UVRAG: variants seen among roughly 807,000 people sequenced by gnomAD.
The protein encoded by UVRAG is UV radiation resistance associated, also known as UV radiation resistance-associated gene protein.
Under a neutral mutation model 78.0 loss-of-function variants are expected in UVRAG, and 19 were observed. The ratio of observed to expected loss-of-function variants is 0.24; its 90% CI spans 0.17 to 0.36. The LOEUF is 0.36. Ranked by LOEUF, UVRAG falls within the 10% of genes least tolerant of loss-of-function variation. UVRAG has a pLI of 1.00. For synonymous variants in UVRAG, 323 were observed against 324.6 expected, an observed-to-expected ratio of 1.00 and a Z score of 0.05; for missense variants, 740 against 853.8, an observed-to-expected ratio of 0.87 and a Z score of 1.66.
chr11:75,965,269 A>C (rs573632439), intron 7 of UVRAG, among the ~76,000 whole-genome samples: 1 of 152,212 alleles, frequency 6.6e-6, no homozygotes, highest in East Asian at 1.9e-4. Flanking sequence ...TCTCTTTATA[A>C]TGTTGTAGCT....
chr11:76,115,864 AT>A, intron 13 of UVRAG, 59 bp from the exon 14 acceptor site: 1 of 1,504,300 alleles, frequency 6.6e-7, no homozygotes, highest in Non-Finnish European at 9.2e-7. Flanking sequence ...TTAGTGGTTC[AT>A]TTTTCCGAAG....
At chr11:75,887,592 C>T (rs1482797263) in intron 4 of UVRAG, among the ~76,000 whole-genome samples, 1 of 151,980 alleles carries the variant, frequency 6.6e-6, no homozygotes, top group Non-Finnish European at 1.5e-5. Flanking sequence ...GGACTGCAGG[C>T]GCCCGCTACC....
At chr11:75,839,825 GTA>G (rs35667790) in intron 1 of UVRAG, among the ~76,000 whole-genome samples, 4 of 149,034 alleles carry the variant, frequency 2.7e-5, no homozygotes, top group Non-Finnish European at 3.0e-5. Context: ...GTGTGTGTGT[GTA>G]TATATATATA....
intron 13 of UVRAG, among the ~76,000 whole-genome samples, chr11:76,075,116 G>C (rs1951380391): frequency 6.6e-6 from 1 of 152,032 alleles, no homozygotes; most frequent in Non-Finnish European, 1.5e-5. Context: ...CACATGAGAA[G>C]AAAATATGCT....
At chr11:75,874,626 T>C (rs1301706273) in intron 3 of UVRAG, among the ~76,000 whole-genome samples, 4 of 151,506 alleles carry the variant, frequency 2.6e-5, no homozygotes, top group African/African-American at 4.9e-5. Context: ...TAAATATTTG[T>C]ATGTGCTAGA....
intron 8 of UVRAG, among the ~76,000 whole-genome samples, chr11:75,999,582 T>C (rs1033250731): frequency 1.4e-4 from 22 of 152,140 alleles, no homozygotes; most frequent in African/African-American, 5.1e-4. Context: ...GGTTTCACTA[T>C]GTTGGTCAGG....
At chr11:75,820,657 A>G (rs115573476) in intron 1 of UVRAG, among the ~76,000 whole-genome samples, 2 of 152,152 alleles carry the variant, frequency 1.3e-5, no homozygotes, top group African/African-American at 4.8e-5. Context: ...ACCCGGCCTC[A>G]CTTATTCTTA....
intron 1 of UVRAG, among the ~76,000 whole-genome samples, chr11:75,826,107 G>A (rs1429907421): frequency 6.6e-6 from 1 of 151,866 alleles, no homozygotes; most frequent in African/African-American, 2.4e-5. Context: ...AAAGTGCTGG[G>A]ATTACAGGCG....
intron 1 of UVRAG, among the ~76,000 whole-genome samples, chr11:75,831,159 A>C (rs1211725197): frequency 9.2e-5 from 14 of 152,218 alleles, no homozygotes; most frequent in Admixed American, 8.5e-4. Flanking sequence ...CACTGAAGAT[A>C]CAGGATAAGC....
intron 12 of UVRAG, among the ~76,000 whole-genome samples, chr11:76,057,584 C>T (rs1456663709): frequency 6.6e-6 from 1 of 152,150 alleles, no homozygotes; most frequent in African/African-American, 2.4e-5. Context: ...TATTTTCAGT[C>T]CCCAGTGTAA....
chr11:76,000,557 G>A lies in UVRAG; in HGVS notation c.827-3448G>A, dbSNP rs113689279. Reference sequence around the variant, plus strand: ...GAGGAGTTGGAGGCTGCAGTAAGCTGAGATTACACCATTGCACACTGCAGC... The same window carrying A: ...GAGGAGTTGGAGGCTGCAGTAAGCTAAGATTACACCATTGCACACTGCAGC... On this transcript the variant is annotated intron_variant, in intron 8 of 14. Transcript: ENST00000356136. Among the ~76,000 whole-genome samples, 263 of 152,080 alleles carry A rather than the reference G, an allele frequency of 1.7e-3. 1 individual carries two copies. The highest frequency in any genetic ancestry group is 6.1e-3 in the African/African-American group (252 of 41,480).
At chr11:75,980,478 T>C (rs1949366803) in intron 7 of UVRAG, among the ~76,000 whole-genome samples, 1 of 152,180 alleles carries the variant, frequency 6.6e-6, no homozygotes, top group Non-Finnish European at 1.5e-5. Context: ...TGCTTTATTA[T>C]CTCTTTTTCC....
At chr11:76,092,959 A>G (rs1565157729) in intron 13 of UVRAG, among the ~76,000 whole-genome samples, 2 of 152,100 alleles carry the variant, frequency 1.3e-5, no homozygotes, top group African/African-American at 2.4e-5. Flanking sequence ...TAGGATTTTT[A>G]TGGTTTTAGG....
chr11:75,888,980 C>T lies in UVRAG; in HGVS notation c.507+77C>T, dbSNP rs1947155251. On this transcript the variant is annotated intron_variant, in intron 5 of 14. Transcript: ENST00000356136. ...GCAGGTGTACAGGGTAGATATAATC[C>T]TGAAAACTCTGTGTAAATAGAATCA... 1.0e-5 allele frequency: 12 copies of T among 1,171,312 alleles called. No individual in the cohort carries two copies. The South Asian group carries it at 1.9e-4, about 19-fold the overall frequency. The allele number at this position is 1,171,312 out of a possible 1,614,324, so 72.6% of individuals were successfully genotyped here.
At chr11:76,055,594 T>C (rs986940399) in intron 12 of UVRAG, among the ~76,000 whole-genome samples, 3 of 152,238 alleles carry the variant, frequency 2.0e-5, no homozygotes, top group Non-Finnish European at 1.5e-5. Context: ...TTAAAGTAAG[T>C]TTCAGATATC....
At position 76,143,436 on chromosome 11, in the gene UVRAG, CCA is replaced by C. The variant is rs1280549834; in HGVS notation, c.*2025_*2026del. Among the ~76,000 whole-genome samples, 1 of 152,208 alleles carries C rather than the reference CCA, an allele frequency of 6.6e-6. No individual in the cohort carries two copies. The highest frequency in any genetic ancestry group is 1.5e-5 in the Non-Finnish European group (1 of 68,028). ...TCTGGGGTCTACCCGTCAGTGCCCCCCACCGCTGTGCAGACTCCCTGGTTGAT... is the reference window on the plus strand; with the variant it reads ...TCTGGGGTCTACCCGTCAGTGCCCCCCCGCTGTGCAGACTCCCTGGTTGAT... On this transcript the variant is annotated 3_prime_UTR_variant, in exon 15 of 15. Coordinates refer to ENST00000356136, the MANE Select transcript of UVRAG (RefSeq NM_003369.4).
intron 6 of UVRAG, among the ~76,000 whole-genome samples, chr11:75,938,629 G>A (rs1021314726): frequency 6.6e-6 from 1 of 152,124 alleles, no homozygotes; most frequent in African/African-American, 2.4e-5. Context: ...TGCGTGGCCC[G>A]TCAGTTATGG....
At position 76,141,598 on chromosome 11, in the gene UVRAG, T is replaced by A. The variant is rs1042894094; in HGVS notation, c.*185T>A. 1.6e-5 allele frequency: 11 copies of A among 684,956 alleles called. No homozygotes were observed. Among genetic ancestry groups the A allele is most frequent in the African/African-American group, 1.4e-4 (8 of 55,400 alleles). The allele number at this position is 684,956 out of a possible 1,614,324, so 42.4% of individuals were successfully genotyped here. A position where few individuals can be genotyped will look rare whatever the true frequency, so the allele number is the denominator to read the frequency against. On this transcript the variant is annotated 3_prime_UTR_variant, in exon 15 of 15. Coordinates refer to ENST00000356136, the MANE Select transcript of UVRAG (RefSeq NM_003369.4). ...TTGTTATCAGTGGGCCAAAGTTAGA[T>A]TTTGCTTTCAAGATTTGCTTTTCGG...
chr11:76,051,422 A>G (rs1950864975), intron 12 of UVRAG, among the ~76,000 whole-genome samples: 2 of 152,124 alleles, frequency 1.3e-5, no homozygotes, highest in South Asian at 4.1e-4. Flanking sequence ...CCATCCTTTA[A>G]TTTTACTCTG....
Sources: allele counts gnomAD v4.1 joint callset (sites outside exome capture counted in the v4.1 genomes callset), GRCh38; gene constraint gnomAD v4.1.1; transcripts MANE v1.5; gene names NCBI Gene and HGNC (gene_info 2026-07-23, HGNC 2026-07-21).